VAV3: variants seen among roughly 807,000 people sequenced by gnomAD.
VAV3 encodes vav guanine nucleotide exchange factor 3.
Under a neutral mutation model 131.2 loss-of-function variants are expected in VAV3, and 94 were observed. That is an observed-to-expected ratio of 0.72 (90% CI 0.61 to 0.85). The LOEUF (loss-of-function observed/expected upper bound fraction) is 0.85, where lower values mean the gene tolerates loss of function less well. Ranked by LOEUF, VAV3 falls within the 40% of genes least tolerant of loss-of-function variation. The pLI is 0.00. For missense variants in VAV3, 939 were observed against 1,002.7 expected (o/e 0.94, Z 0.86); for synonymous variants, 349 against 342.0 (o/e 1.02, Z -0.22).
chr1:107,898,148 C>T (rs1435198496), intron 1 of VAV3, among the ~76,000 whole-genome samples: 4 of 151,596 alleles, frequency 2.6e-5, no homozygotes, highest in Admixed American at 1.3e-4. Flanking sequence ...TGTTCTATGA[C>T]CTCATTTTGG....
rs1668794526 is a variant in VAV3, at chr1:107,842,998, A to C, written c.321+31903T>G. Among the ~76,000 whole-genome samples the C allele has an allele frequency of 3.3e-5, 5 of 152,200 alleles. No individual in the cohort carries two copies. In the South Asian group the frequency reaches 1.0e-3, roughly 32 times the overall value. ...GAAGCAGACCTACTGAGAAAAAAGTAGAGAAAAAAGACAGACAGAGAGAAT... is the reference window on the plus strand; with the variant it reads ...GAAGCAGACCTACTGAGAAAAAAGTCGAGAAAAAAGACAGACAGAGAGAAT... On this transcript the variant is annotated intron_variant, in intron 2 of 26. Transcript: ENST00000370056.
chr1:107,617,625 T>C lies in VAV3; in HGVS notation c.1922A>G (p.Asn641Ser), dbSNP rs1233961425. The C allele has an allele frequency of 3.8e-6, 6 of 1,597,980 alleles. No homozygotes were observed. The South Asian group carries it at 5.5e-5, about 15-fold the overall frequency. ...DAHSLFWQGR[N>S]LASGEVGFFP... is the part of the protein sequence containing the mutation. ...AAATCCAACCTCTCCAGATGCTAAA[T>C]TTCTGCCCTAAGGAAAAAAAAAAAA... The change falls in exon 21 of 27, where the codon AAT (asparagine) becomes AGT (serine). Residue 641 changes from asparagine (N) to serine (S), a missense_variant. Asn to Ser is a conservative substitution (Grantham distance 46). Coordinates refer to ENST00000370056, the MANE Select transcript of VAV3 (RefSeq NM_006113.5).
intron 1 of VAV3, among the ~76,000 whole-genome samples, chr1:107,896,035 C>T (rs543916592): frequency 8.5e-5 from 13 of 152,090 alleles, no homozygotes; most frequent in South Asian, 2.1e-4. Flanking sequence ...AGTAACTCTC[C>T]GTGCCAGAGG....
chr1:107,656,140 T>G (rs1656533395), intron 19 of VAV3, among the ~76,000 whole-genome samples: 1 of 152,200 alleles, frequency 6.6e-6, no homozygotes, highest in Non-Finnish European at 1.5e-5. Context: ...ATTCAATTGA[T>G]ACCTGCACTC....
At chr1:107,617,756 C>G in intron 20 of VAV3, 124 bp from the exon 21 acceptor site, 1 of 694,940 alleles carries the variant, frequency 1.4e-6, no homozygotes, top group East Asian at 2.8e-5. Flanking sequence ...ATATCCAGTC[C>G]TGAGCATTAA....
At chr1:107,838,493 G>T (rs1557875171) in intron 2 of VAV3, among the ~76,000 whole-genome samples, 3 of 152,204 alleles carry the variant, frequency 2.0e-5, no homozygotes. Context: ...CTTTTACACT[G>T]TTGATGGAAA....
At chr1:107,907,402 T>C (rs1161969901) in intron 1 of VAV3, among the ~76,000 whole-genome samples, 1 of 152,148 alleles carries the variant, frequency 6.6e-6, no homozygotes, top group East Asian at 1.9e-4. Flanking sequence ...AAAATATTAA[T>C]ATATTCCTTT....
intron 9 of VAV3, among the ~76,000 whole-genome samples, chr1:107,761,584 C>T (rs985072674): frequency 6.6e-6 from 1 of 152,094 alleles, no homozygotes; most frequent in Non-Finnish European, 1.5e-5. Flanking sequence ...CCACCCTCAA[C>T]TATGGTTTAT....
chr1:107,677,702 G>A (rs1383750008), intron 19 of VAV3: 1 of 152,068 alleles, frequency 6.6e-6, no homozygotes, highest in African/African-American at 2.4e-5. Context: ...GTGCATAAAT[G>A]GCCCAGAGTA....
intron 25 of VAV3, among the ~76,000 whole-genome samples, chr1:107,574,861 T>C (rs937748050): frequency 1.3e-5 from 2 of 152,222 alleles, no homozygotes; most frequent in Non-Finnish European, 2.9e-5. Flanking sequence ...ATATTTTCTT[T>C]CTTTGAAACA....
At chr1:107,640,382 G>T (rs1187802227) in intron 20 of VAV3, among the ~76,000 whole-genome samples, 2 of 152,164 alleles carry the variant, frequency 1.3e-5, no homozygotes, top group Non-Finnish European at 2.9e-5. Context: ...TATATGCTAT[G>T]TGATGCACAT....
chr1:107,871,562 G>A (rs1177001608), intron 2 of VAV3, among the ~76,000 whole-genome samples: 1 of 152,028 alleles, frequency 6.6e-6, no homozygotes, highest in African/African-American at 2.4e-5. Flanking sequence ...GATGTTGGTG[G>A]AGTTTGAAGT....
chr1:107,587,087 T>A (rs1406241586), intron 25 of VAV3, among the ~76,000 whole-genome samples: 1 of 152,196 alleles, frequency 6.6e-6, no homozygotes, highest in Non-Finnish European at 1.5e-5. Context: ...AGAGTTTCTC[T>A]GGCATTCCTA....
rs765976132 is a variant in VAV3 at position 107,751,211 on chromosome 1, T to C, written c.1174-9A>G. On this transcript the variant is annotated splice_polypyrimidine_tract_variant and intron_variant, in intron 12 of 26. Coordinates refer to ENST00000370056, the MANE Select transcript of VAV3 (RefSeq NM_006113.5). ...AGCAAAACTGGTTGGTTCTAAAATATAAAATGCACATGTCAGAGTTTTTCA... is the reference window on the plus strand; with the variant it reads ...AGCAAAACTGGTTGGTTCTAAAATACAAAATGCACATGTCAGAGTTTTTCA... 6.2e-7 allele frequency: 1 copy of C among 1,603,898 alleles called. No homozygotes were observed. Among genetic ancestry groups the C allele is most frequent in the African/African-American group, 1.3e-5 (1 of 74,428 alleles).
At chr1:107,806,887 C>G (rs947087911) in intron 2 of VAV3, among the ~76,000 whole-genome samples, 2 of 152,136 alleles carry the variant, frequency 1.3e-5, no homozygotes, top group Admixed American at 1.3e-4. Context: ...TGTATATAAG[C>G]AAGCACATAC....
intron 1 of VAV3, among the ~76,000 whole-genome samples, chr1:107,927,883 G>A (rs1436172929): frequency 1.3e-5 from 2 of 152,156 alleles, no homozygotes. Flanking sequence ...ATACAAGCCT[G>A]GCTTCACCAC....
At position 107,716,835 on chromosome 1, in the gene VAV3, C is replaced by G. The variant is rs894860784; in HGVS notation, c.1503-11774G>C. 3.3e-5 allele frequency among the ~76,000 whole-genome samples: 5 copies of G among 152,160 alleles called. No homozygotes were observed. In the East Asian group the frequency reaches 9.6e-4, roughly 29 times the overall value. On this transcript the variant is annotated intron_variant, in intron 15 of 26. Coordinates refer to ENST00000370056, the MANE Select transcript of VAV3 (RefSeq NM_006113.5). Reference sequence around the variant, plus strand: ...ATGGTACCAGCTCTTCCTTGTACCTCTGGTAGAATCCGGCTGTGAATCCGT... The same window carrying G: ...ATGGTACCAGCTCTTCCTTGTACCTGTGGTAGAATCCGGCTGTGAATCCGT...
At chr1:107,731,291 T>C (rs1662222995) in intron 15 of VAV3, among the ~76,000 whole-genome samples, 1 of 152,224 alleles carries the variant, frequency 6.6e-6, no homozygotes, top group Admixed American at 6.5e-5. Context: ...CTAGCATTCA[T>C]TGTACCCTGC....
intron 15 of VAV3, among the ~76,000 whole-genome samples, chr1:107,741,079 C>T (rs1662994301): frequency 6.6e-6 from 1 of 152,184 alleles, no homozygotes; most frequent in Non-Finnish European, 1.5e-5. Context: ...GTACTCATAG[C>T]GGTAGTAGTT....
Sources: allele counts gnomAD v4.1 joint callset (sites outside exome capture counted in the v4.1 genomes callset), GRCh38; gene constraint gnomAD v4.1.1; transcripts MANE v1.5; gene names NCBI Gene and HGNC (gene_info 2026-07-23, HGNC 2026-07-21).